The following EPHA3 variants were observed in gnomAD, a reference collection of about 807,000 sequenced individuals.
The protein encoded by EPHA3 is ephrin type-A receptor 3.
Under a neutral mutation model 107.1 loss-of-function variants are expected in EPHA3, and 42 were observed. That is an observed-to-expected ratio of 0.39 (90% CI 0.31 to 0.51). EPHA3 has a LOEUF of 0.51. Ranked by LOEUF, EPHA3 falls within the 20% of genes least tolerant of loss-of-function variation. The pLI, the probability that EPHA3 is intolerant of heterozygous loss-of-function variation, is 0.78. For missense variants in EPHA3, 1,183 were observed against 1,211.2 expected, an observed-to-expected ratio of 0.98 and a Z score of 0.35; for synonymous variants, 461 against 424.8, an observed-to-expected ratio of 1.09 and a Z score of -1.05.
At chr3:89,298,824 A>G (rs1706420660) in intron 3 of EPHA3, among the ~76,000 whole-genome samples, 1 of 152,074 alleles carries the variant, frequency 6.6e-6, no homozygotes, top group South Asian at 2.1e-4. Context: ...TTAACTGTCA[A>G]ATTAAAGATG....
chr3:89,310,736 G>C (rs542226101), intron 3 of EPHA3, among the ~76,000 whole-genome samples: 58 of 151,866 alleles, frequency 3.8e-4, no homozygotes, highest in Non-Finnish European at 6.6e-4. Flanking sequence ...AATAAACAAA[G>C]TGAATTCCCT....
chr3:89,413,123 C>T lies in EPHA3; in HGVS notation c.1763-18C>T, dbSNP rs768597805. On this transcript the variant is annotated intron_variant, in intron 9 of 16. Coordinates refer to ENST00000336596, the MANE Select transcript of EPHA3 (RefSeq NM_005233.6). ...CAAATCTAGCTACAATTGCGCCTTT[C>T]TTTCTTTCCTCAAACAGTAAAACTT... The T allele has an allele frequency of 1.2e-6, 2 of 1,610,092 alleles. No individual in the cohort carries two copies. Among genetic ancestry groups the T allele is most frequent in the South Asian group, 2.2e-5 (2 of 90,940 alleles).
intron 1 of EPHA3, among the ~76,000 whole-genome samples, chr3:89,126,224 C>A (rs1311006541): frequency 2.6e-5 from 4 of 151,688 alleles, no homozygotes; most frequent in South Asian, 2.1e-4. Context: ...GTTTATGTAA[C>A]CTTCCTTCAC....
At chr3:89,383,252 T>A (rs1708545659) in intron 5 of EPHA3, among the ~76,000 whole-genome samples, 1 of 152,164 alleles carries the variant, frequency 6.6e-6, no homozygotes, top group South Asian at 2.1e-4. Context: ...TAACATAATA[T>A]ATAATGGCAT....
intron 2 of EPHA3, among the ~76,000 whole-genome samples, chr3:89,159,286 T>C (rs1393831657): frequency 6.6e-6 from 1 of 152,116 alleles, no homozygotes; most frequent in African/African-American, 2.4e-5. Flanking sequence ...GAGCTCTTAG[T>C]TGTAAGCATT....
intron 2 of EPHA3, among the ~76,000 whole-genome samples, chr3:89,167,492 AC>A (rs1705100173): frequency 6.6e-6 from 1 of 152,122 alleles, no homozygotes; most frequent in Admixed American, 6.5e-5. Context: ...AAATAACATT[AC>A]AAAAAAGAAA....
At chr3:89,150,593 C>A (rs1411265857) in intron 2 of EPHA3, among the ~76,000 whole-genome samples, 1 of 151,928 alleles carries the variant, frequency 6.6e-6, no homozygotes, top group African/African-American at 2.4e-5. Context: ...TGCACATATA[C>A]ATATTATTGA....
chr3:89,413,739 G>T (rs549029086), intron 10 of EPHA3, among the ~76,000 whole-genome samples: 2 of 151,606 alleles, frequency 1.3e-5, no homozygotes, highest in Admixed American at 6.6e-5. Context: ...ATAATATAAG[G>T]TGCTCCATTT....
Position 89,236,422 on chromosome 3 carries a change from G to A in EPHA3, c.814+25902G>A, listed in dbSNP as rs531871409. ...AACAAATGACATTAAAACTGTGTAC[G>A]AAATTTAGCAATATAGTATTAAGTA... On this transcript the variant is annotated intron_variant, in intron 3 of 16. Coordinates refer to ENST00000336596, the MANE Select transcript of EPHA3 (RefSeq NM_005233.6). Among the ~76,000 whole-genome samples, 161 of 152,026 alleles carry A rather than the reference G, an allele frequency of 1.1e-3. 1 individual carries two copies. Among genetic ancestry groups the A allele is most frequent in the African/African-American group, 3.8e-3 (159 of 41,478 alleles).
chr3:89,340,080 C>A (rs747469282), intron 3 of EPHA3, among the ~76,000 whole-genome samples: 4 of 152,096 alleles, frequency 2.6e-5, no homozygotes, highest in Admixed American at 2.6e-4. Flanking sequence ...ATAGTAGAGG[C>A]AGTTTTAGGC....
At chr3:89,139,665 C>T (rs1381511206) in intron 2 of EPHA3, among the ~76,000 whole-genome samples, 1 of 151,520 alleles carries the variant, frequency 6.6e-6, no homozygotes, top group Non-Finnish European at 1.5e-5. Flanking sequence ...GAAGCGGCAG[C>T]GACTATAGAA....
chr3:89,296,567 G>T (rs1229738000), intron 3 of EPHA3, among the ~76,000 whole-genome samples: 2 of 152,150 alleles, frequency 1.3e-5, no homozygotes, highest in African/African-American at 4.8e-5. Flanking sequence ...AGGCTTTGTT[G>T]TTCCATTTGT....
chr3:89,131,669 G>A (rs1704210342), intron 2 of EPHA3, among the ~76,000 whole-genome samples: 1 of 152,160 alleles, frequency 6.6e-6, no homozygotes, highest in Non-Finnish European at 1.5e-5. Flanking sequence ...GTGAGGACTG[G>A]CAGGGTTCAG....
At chr3:89,250,591 C>T (rs76644716) in intron 3 of EPHA3, among the ~76,000 whole-genome samples, 5,595 of 152,210 alleles carry the variant, frequency 0.037, 151 homozygotes, top group Middle Eastern at 0.054. Context: ...CTGTTCTTAT[C>T]CCCACTGCTA....
intron 3 of EPHA3, among the ~76,000 whole-genome samples, chr3:89,222,349 ATATATGTATATG>A (rs1240450689): frequency 2.3e-5 from 3 of 131,680 alleles, no homozygotes; most frequent in African/African-American, 8.8e-5. Flanking sequence ...ATATATATAT[ATATATGTATATG>A]TATATGTATA....
chr3:89,130,393 T>C (rs1484483047), intron 2 of EPHA3, among the ~76,000 whole-genome samples: 1 of 152,178 alleles, frequency 6.6e-6, no homozygotes. Context: ...TGTTGAAATA[T>C]AAATTTTAAA....
intron 9 of EPHA3, among the ~76,000 whole-genome samples, chr3:89,408,554 T>C (rs1396181447): frequency 6.6e-6 from 1 of 152,138 alleles, no homozygotes; most frequent in Non-Finnish European, 1.5e-5. Flanking sequence ...TATCCCATTT[T>C]ATCAACCAAC....
intron 2 of EPHA3, among the ~76,000 whole-genome samples, chr3:89,163,853 G>C (rs777917309): frequency 6.6e-6 from 1 of 152,160 alleles, no homozygotes; most frequent in Non-Finnish European, 1.5e-5. Flanking sequence ...CCATTCTAAA[G>C]TGACTGTTTT....
intron 3 of EPHA3, among the ~76,000 whole-genome samples, chr3:89,289,610 C>T (rs1055201905): frequency 6.6e-6 from 1 of 151,932 alleles, no homozygotes. Flanking sequence ...TTAATAGGTA[C>T]TGTATTGTTA....
Sources: gnomAD v4.1 joint callset for allele counts (sites outside exome capture counted in the v4.1 genomes callset) on GRCh38, gnomAD v4.1.1 for gene constraint, MANE v1.5 for transcripts, NCBI Gene and HGNC (gene_info 2026-07-23, HGNC 2026-07-21) for gene names.